Variants in NANP observed in about 807,000 individuals in gnomAD.
NANP encodes the protein N-acetylneuraminic acid phosphatase.
Under a neutral mutation model 16.9 loss-of-function variants are expected in NANP, and 15 were observed. The observed-to-expected ratio is 0.89, with a 90% CI of 0.59 to 1.37. NANP has a LOEUF of 1.37. Ranked by LOEUF, NANP falls within the 40% of genes most tolerant of loss-of-function variation. The probability of loss-of-function intolerance (pLI) is 0.00; values close to 1 mark genes in which losing one functional copy is unlikely to be tolerated. For synonymous variants in NANP, 135 were observed against 112.6 expected, an observed-to-expected ratio of 1.20 and a Z score of -1.26; for missense variants, 290 against 303.5, an observed-to-expected ratio of 0.96 and a Z score of 0.33.
rs182908643 is a variant in NANP at position 25,623,900 on chromosome 20, G to T, written c.49C>A (p.Leu17Ile). The T allele has an allele frequency of 3.3e-4, 539 of 1,613,590 alleles. No individual in the cohort carries two copies. The highest frequency in any genetic ancestry group is 4.4e-4 in the Non-Finnish European group (514 of 1,179,736). The change falls in exon 1 of 2, where the codon CTC becomes ATC. Residue 17 changes from leucine to isoleucine, a missense_variant. Physicochemically the swap from Leu to Ile is conservative, Grantham distance 5 (BLOSUM62 2). Coordinates refer to ENST00000304788, the MANE Select transcript of NANP (RefSeq NM_152667.3). ...CTGCTCGCCCCGGCCGTGTCGATGA[G>T]AGTGTTGTCCAAGTCAAAGAAAACC... ...RAVFFDLDNT[L>I]IDTAGASRRG...
At chr20:25,622,623 T>C (rs1176697560) in intron 1 of NANP, among the ~76,000 whole-genome samples, 1 of 152,156 alleles carries the variant, frequency 6.6e-6, no homozygotes, top group Non-Finnish European at 1.5e-5. Context: ...GGAGGCAATA[T>C]GGCACAGGGT....
chr20:25,616,226 G>C lies in NANP; in HGVS notation c.446C>G (p.Ser149Cys). The change falls in exon 2 of 2, where the codon TCC (serine) becomes TGC (cysteine). Residue 149 changes from serine (S) to cysteine (C), a missense_variant. Transcript: ENST00000304788. ...REKIEACACQSYFDAVVVGGE... is the reference protein window; with the variant it reads ...REKIEACACQCYFDAVVVGGE... ...ACCTACAACAACAGCGTCAAAATAGGACTGACAGGCACAAGCCTCAATCTT... is the reference window on the plus strand; with the variant it reads ...ACCTACAACAACAGCGTCAAAATAGCACTGACAGGCACAAGCCTCAATCTT... The C allele has an allele frequency of 1.2e-6, 2 of 1,614,114 alleles. No individual in the cohort carries two copies. The highest frequency in any genetic ancestry group is 2.2e-5 in the East Asian group (1 of 44,878).
intron 1 of NANP, among the ~76,000 whole-genome samples, chr20:25,617,011 A>AC (rs375724987): frequency 7.4e-4 from 113 of 152,262 alleles, no homozygotes; most frequent in African/African-American, 2.6e-3. Context: ...ACATATCGAG[A>AC]CCCCATCTTA....
At chr20:25,623,807 G>C in intron 1 of NANP, 52 bp downstream of exon 1, 2 of 1,537,242 alleles carry the variant, frequency 1.3e-6, no homozygotes, top group Non-Finnish European at 1.8e-6. Flanking sequence ...GTGCAGGACG[G>C]GGCGGGGCGC....
At chr20:25,623,837 G>A (rs1294080153) in intron 1 of NANP, 22 bp downstream of exon 1, 1 of 1,606,862 alleles carries the variant, frequency 6.2e-7, no homozygotes, top group Admixed American at 1.7e-5. Flanking sequence ...GCCCAGAGGA[G>A]CGCCATGGGT....
intron 1 of NANP, among the ~76,000 whole-genome samples, chr20:25,621,885 A>G (rs1469326136): frequency 6.6e-6 from 1 of 152,242 alleles, no homozygotes; most frequent in Admixed American, 6.5e-5. Flanking sequence ...ATTTGTAATT[A>G]TAAAGGAGGC....
At chr20:25,620,475 C>T (rs1376108907) in intron 1 of NANP, among the ~76,000 whole-genome samples, 1 of 152,128 alleles carries the variant, frequency 6.6e-6, no homozygotes, top group African/African-American at 2.4e-5. Flanking sequence ...CTCCCTAGAC[C>T]CAGAACTAAA....
At chr20:25,621,407 T>G (rs546087532) in intron 1 of NANP, among the ~76,000 whole-genome samples, 23 of 152,142 alleles carry the variant, frequency 1.5e-4, no homozygotes, top group Middle Eastern at 3.4e-3. Context: ...GTAATTACCA[T>G]GAAAAACAGG....
chr20:25,617,088 A>G (rs1373394859), intron 1 of NANP, among the ~76,000 whole-genome samples: 1 of 152,226 alleles, frequency 6.6e-6, no homozygotes, highest in East Asian at 1.9e-4. Context: ...AAAATTTCTG[A>G]CAACCACTAT....
rs748256734 is a variant in NANP, at chr20:25,623,963, G to A, written c.-15C>T. The stretch of plus-strand genomic sequence containing the variant: ...CTCAGCCCCATAGCGCCGGCCGCTG[G>A]CGCGAACCGTAGCCTTGCCACCGCC... On this transcript the variant is annotated 5_prime_UTR_variant, in exon 1 of 2. Coordinates refer to ENST00000304788, the MANE Select transcript of NANP (RefSeq NM_152667.3). 2 of 1,610,724 alleles carry A rather than the reference G, an allele frequency of 1.2e-6. No homozygotes were observed. The highest frequency in any genetic ancestry group is 1.7e-5 in the Admixed American group (1 of 59,780).
At chr20:25,622,326 G>C (rs2065368128) in intron 1 of NANP, among the ~76,000 whole-genome samples, 1 of 152,192 alleles carries the variant, frequency 6.6e-6, no homozygotes, top group African/African-American at 2.4e-5. Context: ...GCTATAGTTC[G>C]CTGAGTGGAC....
intron 1 of NANP, 77 bp downstream of exon 1, chr20:25,623,782 C>T: frequency 3.6e-6 from 5 of 1,377,296 alleles, no homozygotes; most frequent in Non-Finnish European, 4.0e-6. Flanking sequence ...GAAGTGGGGT[C>T]AAGGGGAGGT....
chr20:25,620,838 A>G (rs1476482886), intron 1 of NANP, among the ~76,000 whole-genome samples: 3 of 149,194 alleles, frequency 2.0e-5, no homozygotes, highest in Admixed American at 1.3e-4. Flanking sequence ...TTTTTTTTCC[A>G]TTAAATGAAG....
At position 25,613,596 on chromosome 20, in the gene NANP, T is replaced by C; in HGVS notation, c.*2329A>G. On this transcript the variant is annotated 3_prime_UTR_variant, in exon 2 of 2. Coordinates refer to ENST00000304788, the MANE Select transcript of NANP (RefSeq NM_152667.3). ...AATATTAATAAAATCATAGGTTTATTCCAATATTTTAAAATATTTTCTGTA... is the reference window on the plus strand; with the variant it reads ...AATATTAATAAAATCATAGGTTTATCCCAATATTTTAAAATATTTTCTGTA... 1 of 390,690 alleles carries C rather than the reference T, an allele frequency of 2.6e-6. No individual in the cohort carries two copies. The highest frequency in any genetic ancestry group is 4.5e-6 in the Non-Finnish European group (1 of 221,846). The allele number at this position is 390,690 out of a possible 1,614,324, so 24.2% of individuals were successfully genotyped here. A position where few individuals can be genotyped will look rare whatever the true frequency, so the allele number is the denominator to read the frequency against.
chr20:25,615,844 A>T lies in NANP; in HGVS notation c.*81T>A. On this transcript the variant is annotated 3_prime_UTR_variant, in exon 2 of 2. Transcript: ENST00000304788. ...AAATTATTCTTAGAGCTGGATTATC[A>T]TAAGTGGAGTGCCCTAACTTTTCTT... 1 of 1,322,098 alleles carries T rather than the reference A, an allele frequency of 7.6e-7. No individual in the cohort carries two copies. The highest frequency in any genetic ancestry group is 1.5e-5 in the South Asian group (1 of 68,926). 81.9% of individuals were successfully genotyped at this position (1,322,098 alleles called of 1,614,324 possible).
chr20:25,620,157 C>T (rs1274845521), intron 1 of NANP, among the ~76,000 whole-genome samples: 1 of 152,136 alleles, frequency 6.6e-6, no homozygotes, highest in African/African-American at 2.4e-5. Flanking sequence ...AATTAGTATG[C>T]GTTATTACAA....
At chr20:25,616,629 G>A (rs751508446) in intron 1 of NANP, 48 bp from the exon 2 acceptor site, 1 of 1,424,048 alleles carries the variant, frequency 7.0e-7, no homozygotes, top group East Asian at 2.3e-5. Context: ...GTCTTTAGTA[G>A]TCATGCCCTA....
At chr20:25,623,811 G>A in intron 1 of NANP, 48 bp downstream of exon 1, 1 of 1,548,270 alleles carries the variant, frequency 6.5e-7, no homozygotes. Flanking sequence ...AGGACGGGGC[G>A]GGGCGCACTG....
chr20:25,618,074 C>T (rs903430235), intron 1 of NANP, among the ~76,000 whole-genome samples: 2 of 152,064 alleles, frequency 1.3e-5, no homozygotes, highest in African/African-American at 4.8e-5. Context: ...GCATCCATAC[C>T]TGCTTACTTC....
Sources: allele counts gnomAD v4.1 joint callset (sites outside exome capture counted in the v4.1 genomes callset), GRCh38; gene constraint gnomAD v4.1.1; transcripts MANE v1.5; gene names NCBI Gene and HGNC (gene_info 2026-07-23, HGNC 2026-07-21).